The following FAT1 variants were observed in gnomAD, a reference collection of about 807,000 sequenced individuals.
FAT1 encodes protocadherin Fat 1.
FAT1 carries 171 observed loss-of-function variants against 329.8 expected under a neutral mutation model. That is an observed-to-expected ratio of 0.52 (90% CI 0.46 to 0.59). The LOEUF (loss-of-function observed/expected upper bound fraction) is 0.59. FAT1 is among the 20% of genes least tolerant of loss of function. The pLI is 0.00. For missense variants in FAT1, 5,672 were observed against 5,774.4 expected (o/e 0.98, Z 0.57); for synonymous variants, 2,233 against 2,228.6 (o/e 1.00, Z -0.06).
In FAT1 at chr4:186,614,326, T is replaced by G. The variant is rs764196723; in HGVS notation, c.9094A>C (p.Ile3032Leu). The G allele has an allele frequency of 7.0e-6, 11 of 1,570,204 alleles. No individual in the cohort carries two copies. Among genetic ancestry groups the G allele is most frequent in the African/African-American group, 1.4e-5 (1 of 72,320 alleles). The change falls in exon 12 of 27, where the codon ATT becomes CTT. Residue 3032 changes from isoleucine (I) to leucine (L), a missense_variant. This residue lies in a region of FAT1 where 3,966 missense variants were observed against 3,915.2 expected (regional missense o/e 1.01). Coordinates refer to ENST00000441802, the MANE Select transcript of FAT1 (RefSeq NM_005245.4). ...VCEKTLYSDT[I>L]PEDVLPGKLI... is the part of the protein sequence containing the mutation. ...TTTCCAGGAAGGACGTCTTCAGGAA[T>G]AGTGTCTGAATATAAAGTCTGCAAA...
chr4:186,657,767 G>A (rs1275181340), intron 3 of FAT1, among the ~76,000 whole-genome samples: 3 of 152,198 alleles, frequency 2.0e-5, no homozygotes, highest in Non-Finnish European at 4.4e-5. Flanking sequence ...GGACACACAT[G>A]TCTAAAAGTA....
intron 2 of FAT1, among the ~76,000 whole-genome samples, chr4:186,685,686 A>G (rs1743423929): frequency 6.6e-6 from 1 of 152,242 alleles, no homozygotes. Flanking sequence ...TCTGATTTCT[A>G]TAAAACCAAC....
rs778828981 is a variant in FAT1 at position 186,618,134 on chromosome 4, T to C, written c.8452A>G (p.Ile2818Val). Reference sequence around the variant, plus strand: ...CTTCCCCCTGGCAGGTTTTCAACAATGAATGCCTCATATGGACTAGATTCA... The same window carrying C: ...CTTCCCCCTGGCAGGTTTTCAACAACGAATGCCTCATATGGACTAGATTCA... ...VFESSPYEAF[I>V]VENLPGGSRV... The change falls in exon 10 of 27, where the codon ATT becomes GTT. Residue 2818 changes from isoleucine (I) to valine (V), a missense_variant. This residue lies in a region of FAT1 where 3,966 missense variants were observed against 3,915.2 expected (regional missense o/e 1.01). Transcript: ENST00000441802. The C allele has an allele frequency of 1.9e-6, 3 of 1,613,934 alleles. No homozygotes were observed. The highest frequency in any genetic ancestry group is 1.7e-6 in the Non-Finnish European group (2 of 1,179,894).
chr4:186,588,816 G>T lies in FAT1; in HGVS notation c.13543C>A (p.Pro4515Thr), dbSNP rs1738086708. 1 of 1,613,868 alleles carries T rather than the reference G, an allele frequency of 6.2e-7. No individual in the cohort carries two copies. Among genetic ancestry groups the T allele is most frequent in the Admixed American group, 1.7e-5 (1 of 60,000 alleles). ...GTGENSTCRE[P>T]HAPYPPGYQR... Reference sequence around the variant, plus strand: ...TACCCTGGCGGGTAAGGGGCATGGGGTTCTCTACAAGTACTATTCTCACCA... The same window carrying T: ...TACCCTGGCGGGTAAGGGGCATGGGTTTCTCTACAAGTACTATTCTCACCA... Residue 4515 changes from proline to threonine, a missense_variant, in exon 27 of 27, where the codon CCC becomes ACC. Pro to Thr is a conservative substitution (Grantham distance 38). Coordinates refer to ENST00000441802, the MANE Select transcript of FAT1 (RefSeq NM_005245.4).
At position 186,613,304 on chromosome 4, in the gene FAT1, G is replaced by A. The variant is rs1427068840; in HGVS notation, c.9268C>T (p.Gln3090Ter). The A allele has an allele frequency of 1.2e-6, 2 of 1,613,898 alleles. No individual in the cohort carries two copies. Among genetic ancestry groups the A allele is most frequent in the Non-Finnish European group, 8.5e-7 (1 of 1,179,888 alleles). Reference sequence around the variant, plus strand: ...CTGACGAGAAGATGATAAACAGCTTGCTCCTCACGATCAAGGGGGGTTGAC... The same window carrying A: ...CTGACGAGAAGATGATAAACAGCTTACTCCTCACGATCAAGGGGGGTTGAC... ...KTSTPLDREE[Q>*]AVYHLLVRAT... Residue 3090 changes from glutamine to a stop codon, truncating the protein, a stop_gained, in exon 13 of 27, where the codon CAA becomes TAA. Transcript: ENST00000441802. LOFTEE classifies it high-confidence loss of function.
intron 25 of FAT1, 76 bp from the exon 26 acceptor site, chr4:186,595,902 A>G: frequency 1.4e-6 from 2 of 1,473,984 alleles, no homozygotes; most frequent in Non-Finnish European, 1.9e-6. Flanking sequence ...GAGACACACC[A>G]TGCATTACCC....
intron 14 of FAT1, among the ~76,000 whole-genome samples, 171 bp downstream of exon 14, chr4:186,611,215 C>T (rs1276599837): frequency 6.6e-6 from 1 of 152,142 alleles, no homozygotes; most frequent in African/African-American, 2.4e-5. Flanking sequence ...TAATCTGAAG[C>T]CTTCCAAACA....
chr4:186,653,763 C>T (rs577908355), intron 3 of FAT1, among the ~76,000 whole-genome samples: 3 of 152,222 alleles, frequency 2.0e-5, no homozygotes, highest in Non-Finnish European at 2.9e-5. Flanking sequence ...CACTCATTTC[C>T]GTATCATCTA....
At chr4:186,643,184 G>A (rs979968818) in intron 3 of FAT1, among the ~76,000 whole-genome samples, 9 of 152,200 alleles carry the variant, frequency 5.9e-5, no homozygotes, top group African/African-American at 1.7e-4. Context: ...CCCAGGGGCC[G>A]GTGACGACAG....
intron 1 of FAT1, among the ~76,000 whole-genome samples, chr4:186,718,471 A>T (rs1201380253): frequency 6.6e-6 from 1 of 152,140 alleles, no homozygotes; most frequent in Non-Finnish European, 1.5e-5. Flanking sequence ...GATTGAGACC[A>T]TCCTGGCCAA....
chr4:186,669,887 A>C (rs1197496106), intron 2 of FAT1, among the ~76,000 whole-genome samples: 1 of 152,176 alleles, frequency 6.6e-6, no homozygotes, highest in Non-Finnish European at 1.5e-5. Context: ...ACAGTTTCCA[A>C]TAATAACTCC....
Position 186,620,720 on chromosome 4 carries a change from C to T in FAT1, c.5866G>A (p.Asp1956Asn), listed in dbSNP as rs549753426. 7.5e-5 allele frequency: 121 copies of T among 1,613,856 alleles called. No individual in the cohort carries two copies. The highest frequency in any genetic ancestry group is 6.9e-5 in the Non-Finnish European group (81 of 1,179,898). Residue 1956 changes from aspartate to asparagine, a missense_variant, in exon 10 of 27, where the codon GAT becomes AAT. Around this residue, in one of 2 missense-constraint regions of FAT1, gnomAD observed 3,966 missense variants for 3,915.2 expected, o/e 1.01. Transcript: ENST00000441802. ...SRYELTVRAS[D>N]GRFAGLTSVK... ...GAGGTAAGGCCGGCAAATCTGCCAT[C>T]GGAAGCTCTAACGGTTAGCTCGTAG...
At chr4:186,600,415 C>A (rs2126415915) in intron 21 of FAT1, 55 bp from the exon 22 acceptor site, 1 of 1,426,902 alleles carries the variant, frequency 7.0e-7, no homozygotes, top group Admixed American at 2.1e-5. Flanking sequence ...TCAATGAGAG[C>A]ACCTGATCAC....
chr4:186,703,512 A>G (rs1744424646), intron 2 of FAT1, among the ~76,000 whole-genome samples: 1 of 152,260 alleles, frequency 6.6e-6, no homozygotes, highest in Admixed American at 6.5e-5. Flanking sequence ...AAATTTGGTT[A>G]TAATACTCAA....
At chr4:186,681,968 G>A (rs1743229743) in intron 2 of FAT1, among the ~76,000 whole-genome samples, 1 of 152,126 alleles carries the variant, frequency 6.6e-6, no homozygotes, top group Middle Eastern at 3.2e-3. Context: ...GGATCTATAA[G>A]TAAAGACTAA....
In FAT1 at chr4:186,706,922, T is replaced by C. The variant is rs201568112; in HGVS notation, c.2906A>G (p.His969Arg). 9.3e-5 allele frequency: 150 copies of C among 1,613,926 alleles called. No individual in the cohort carries two copies. The highest frequency in any genetic ancestry group is 6.3e-5 in the Non-Finnish European group (74 of 1,179,908). ...SGQVRYSLLD[H>R]GEGNFDVDKL... is the part of the protein sequence containing the mutation. ...ATCCACATCGAAGTTTCCTTCTCCG[T>C]GGTCCAGAAGGCTGTATCTCACCTG... is the stretch of plus-strand genomic sequence containing the variant. The change falls in exon 2 of 27, where the codon CAC becomes CGC. Residue 969 changes from histidine to arginine, a missense_variant. His to Arg is a conservative substitution (Grantham distance 29). Around this residue, in one of 2 missense-constraint regions of FAT1, gnomAD observed 3,966 missense variants for 3,915.2 expected, o/e 1.01. Coordinates refer to ENST00000441802, the MANE Select transcript of FAT1 (RefSeq NM_005245.4).
At chr4:186,649,734 C>A (rs1404494056) in intron 3 of FAT1, among the ~76,000 whole-genome samples, 1 of 152,146 alleles carries the variant, frequency 6.6e-6, no homozygotes, top group Non-Finnish European at 1.5e-5. Context: ...AGAACCGCGA[C>A]AGAATCCACC....
chr4:186,670,594 T>C (rs1370570111), intron 2 of FAT1, among the ~76,000 whole-genome samples: 1 of 152,232 alleles, frequency 6.6e-6, no homozygotes, highest in African/African-American at 2.4e-5. Flanking sequence ...ATGCAAAGAC[T>C]AAACATCTCA....
intron 9 of FAT1, among the ~76,000 whole-genome samples, chr4:186,625,957 A>C (rs1740284960): frequency 6.6e-6 from 1 of 152,032 alleles, no homozygotes; most frequent in Non-Finnish European, 1.5e-5. Context: ...AGAATGAATG[A>C]ATGAATGAGG....
Sources: gnomAD v4.1 joint callset for allele counts (sites outside exome capture counted in the v4.1 genomes callset) on GRCh38, gnomAD v4.1.1 for gene constraint, gnomAD v4.1.1 regional missense constraint, MANE v1.5 for transcripts, NCBI Gene and HGNC (gene_info 2026-07-23, HGNC 2026-07-21) for gene names.